Variants in MZF1 observed in about 807,000 individuals in gnomAD.
MZF1 encodes the protein myeloid zinc finger 1.
In MZF1, 24 loss-of-function variants were observed where a neutral mutation model predicts 28.6. The ratio of observed to expected loss-of-function variants is 0.84; its 90% CI spans 0.61 to 1.18. MZF1 has a LOEUF of 1.18. Among genes scored for constraint, MZF1 ranks in the 50% most tolerant of loss-of-function variants. The pLI, the probability that MZF1 is intolerant of heterozygous loss-of-function variation, is 0.00. For synonymous variants in MZF1, 516 were observed against 432.5 expected (o/e 1.19, Z -2.40); for missense variants, 1,166 against 1,026.4 (o/e 1.14, Z -1.86).
At chr19:58,564,902 G>GGTT (rs1872485914) in intron 5 of MZF1, among the ~76,000 whole-genome samples, 556 of 41,986 alleles carry the variant, frequency 0.013, 19 homozygotes, top group Middle Eastern at 0.04. Context: ...CCATGTGTGT[G>GGTT]TTTTTTTTTT....
chr19:58,569,195 T>C (rs569636090), intron 5 of MZF1, 82 bp downstream of exon 5: 4 of 1,473,450 alleles, frequency 2.7e-6, no homozygotes, highest in African/African-American at 1.4e-5. Flanking sequence ...GAGGGCTGCC[T>C]GCGTAGGGCC....
At chr19:58,565,733 C>T (rs191862544) in intron 5 of MZF1, among the ~76,000 whole-genome samples, 1 of 146,628 alleles carries the variant, frequency 6.8e-6, no homozygotes, top group Non-Finnish European at 1.5e-5. Context: ...GGGGTTTCGC[C>T]GTGTTAGCCA....
At chr19:58,570,924 G>GGCAA in intron 2 of MZF1, 70 bp downstream of exon 2, 7 of 1,487,474 alleles carry the variant, frequency 4.7e-6, no homozygotes, top group Non-Finnish European at 6.4e-6. Context: ...GCAAAGCGTG[G>GGCAA]TGCTGCCCAG....
chr19:58,571,198 C>T lies in MZF1; in HGVS notation c.192G>A (p.Gln64=), dbSNP rs2054155962. The T allele has an allele frequency of 6.2e-7, 1 of 1,613,254 alleles. No homozygotes were observed. Among genetic ancestry groups the T allele is most frequent in the South Asian group, 1.1e-5 (1 of 90,962 alleles). Residue 64 remains glutamine, a synonymous_variant, in exon 2 of 6, where the codon CAG becomes CAA. Transcript: ENST00000215057. ...EATGPQEALA[Q]LRELCRQWLR... ...GCCACTGGCGACACAGCTCTCGGAG[C>T]TGGGCCAGGGCCTCTTGGGGCCCTG... is the stretch of plus-strand genomic sequence containing the variant.
chr19:58,566,429 A>C (rs1214456304), intron 5 of MZF1, among the ~76,000 whole-genome samples: 1 of 152,166 alleles, frequency 6.6e-6, no homozygotes, highest in East Asian at 1.9e-4. Context: ...CCTGGGCAAC[A>C]AGAGCGAAAT....
chr19:58,569,104 T>C, intron 5 of MZF1, 173 bp downstream of exon 5: 1 of 842,512 alleles, frequency 1.2e-6, no homozygotes, highest in East Asian at 3.0e-5. Context: ...TGGCTTTTTT[T>C]GAGGGCAGAA....
chr19:58,570,630 C>T (rs2054142421), intron 2 of MZF1, 103 bp from the exon 3 acceptor site: 2 of 1,276,016 alleles, frequency 1.6e-6, no homozygotes, highest in South Asian at 1.5e-5. Flanking sequence ...CAGGGGCCTG[C>T]CTTGTAAATA....
rs1472942630 is a variant in MZF1, at chr19:58,563,520, G to T, written c.773-16C>A. On this transcript the variant is annotated splice_polypyrimidine_tract_variant and intron_variant, in intron 5 of 5. Transcript: ENST00000215057. The stretch of plus-strand genomic sequence containing the variant: ...AGCGCGAACCCTGCATACACAAGGG[G>T]ACCATTCATTCATGACAGAATGCCC... 11 of 1,509,188 alleles carry T rather than the reference G, an allele frequency of 7.3e-6. No individual in the cohort carries two copies. In the East Asian group the frequency reaches 2.7e-4, roughly 37 times the overall value. The allele number at this position is 1,509,188 out of a possible 1,614,324, so 93.5% of individuals were successfully genotyped here.
At position 58,563,419 on chromosome 19, in the gene MZF1, A is replaced by G. The variant is rs1300221708; in HGVS notation, c.858T>C (p.Ala286=). The change falls in exon 6 of 6, where the codon GCT becomes GCC. Residue 286 remains alanine (A), a synonymous_variant. Transcript: ENST00000215057. ...HLHVPWDLGM[A]GLSGQIQSPS... ...GTGATTGGATCTGGCCAGAAAGGCC[A>G]GCCATGCCGAGGTCCCAGGGGACGT... is the stretch of plus-strand genomic sequence containing the variant. The G allele has an allele frequency of 7.5e-6, 12 of 1,592,256 alleles. No homozygotes were observed. In the East Asian group the frequency reaches 9.2e-5, roughly 12 times the overall value.
Position 58,571,487 on chromosome 19 carries a change from C to G in MZF1, c.-40-58G>C, listed in dbSNP as rs921034369. 5.6e-6 allele frequency: 8 copies of G among 1,417,670 alleles called. No individual in the cohort carries two copies. The African/African-American group carries it at 7.1e-5, about 13-fold the overall frequency. 87.8% of individuals were successfully genotyped at this position (1,417,670 alleles called of 1,614,324 possible). On this transcript the variant is annotated intron_variant, in intron 1 of 5. Transcript: ENST00000215057. ...AGGAGTACAGTGAATGCTTCACTGC[C>G]TAGTCTATGCTGTACCGTTTGATCC...
At chr19:58,564,902 G>GTGTTTT (rs1568680296) in intron 5 of MZF1, among the ~76,000 whole-genome samples, 5 of 41,996 alleles carry the variant, frequency 1.2e-4, no homozygotes, top group Admixed American at 3.2e-4. Context: ...CCATGTGTGT[G>GTGTTTT]TTTTTTTTTT....
intron 5 of MZF1, chr19:58,564,613 G>A (rs1433773733): frequency 1.3e-5 from 2 of 152,240 alleles, no homozygotes. Flanking sequence ...CCTATGTATT[G>A]CTGGTAAGCA....
intron 1 of MZF1, chr19:58,571,775 G>A (rs2054168941): frequency 1.0e-5 from 2 of 191,508 alleles, no homozygotes; most frequent in Admixed American, 5.3e-5. Context: ...TTGACCTCCC[G>A]GGCTCCAGAG....
rs757866907 is a variant in MZF1 at position 58,562,519 on chromosome 19, C to T, written c.1758G>A (p.Gln586=). 3.1e-6 allele frequency: 5 copies of T among 1,609,746 alleles called. No individual in the cohort carries two copies. The highest frequency in any genetic ancestry group is 1.7e-5 in the Admixed American group (1 of 59,434). The change falls in exon 6 of 6, where the codon CAG becomes CAA. Residue 586 remains glutamine, a synonymous_variant. Transcript: ENST00000215057. ...TCTCGCCCGTGTGTACGCGGAGATG[C>T]TGCGTGAGCGTAGGCCGCTGGCGGA... ...KAFRQRPTLT[Q]HLRVHTGEKP... is the part of the protein sequence containing the mutation.
chr19:58,566,280 C>T (rs776521651), intron 5 of MZF1, among the ~76,000 whole-genome samples: 1 of 151,700 alleles, frequency 6.6e-6, no homozygotes, highest in Non-Finnish European at 1.5e-5. Flanking sequence ...AACCCCGTCT[C>T]TACTAAAAAA....
rs777948499 is a variant in MZF1 at position 58,562,754 on chromosome 19, G to A, written c.1523C>T (p.Thr508Met). Residue 508 changes from threonine to methionine, a missense_variant, in exon 6 of 6, where the codon ACG becomes ATG. Transcript: ENST00000215057. ...AVLLEHQAVH[T>M]GDKSFGCVEC... Reference sequence around the variant, plus strand: ...GACGCAGCCAAAGGACTTGTCGCCCGTGTGTACCGCCTGGTGCTCCAGCAG... The same window carrying A: ...GACGCAGCCAAAGGACTTGTCGCCCATGTGTACCGCCTGGTGCTCCAGCAG... The A allele has an allele frequency of 1.5e-5, 23 of 1,535,942 alleles. No homozygotes were observed. Among genetic ancestry groups the A allele is most frequent in the Non-Finnish European group, 1.8e-5 (21 of 1,147,272 alleles).
rs949981061 is a variant in MZF1, at chr19:58,563,087, G to A, written c.1190C>T (p.Ser397Leu). The part of the protein sequence containing the change: ...SECGRSFSRS[S>L]HLLRHQLTHT... ...CGTAAGCTGGTGGCGCAGCAGGTGC[G>A]AGCTGCGGCTGAAGCTGCGGCCGCA... The change falls in exon 6 of 6, where the codon TCG becomes TTG. Residue 397 changes from serine to leucine, a missense_variant. By Grantham distance (145) the Ser-to-Leu change is moderately radical. Coordinates refer to ENST00000215057, the MANE Select transcript of MZF1 (RefSeq NM_198055.2). 1 of 1,604,426 alleles carries A rather than the reference G, an allele frequency of 6.2e-7. No homozygotes were observed. The highest frequency in any genetic ancestry group is 1.7e-5 in the Admixed American group (1 of 59,926).
intron 1 of MZF1, chr19:58,572,691 T>C (rs2054188175): frequency 8.4e-7 from 1 of 1,193,162 alleles, no homozygotes; most frequent in Non-Finnish European, 1.1e-6. Flanking sequence ...AAGCCTCCAC[T>C]CTTCAAGGTG....
In MZF1 at chr19:58,570,515, C is replaced by G; in HGVS notation, c.409G>C (p.Val137Leu). The G allele has an allele frequency of 1.2e-6, 2 of 1,612,694 alleles. No homozygotes were observed. Among genetic ancestry groups the G allele is most frequent in the African/African-American group, 1.3e-5 (1 of 74,984 alleles). ...GGPRRWVTVQ[V>L]QGQEVLSEKM... ...TCTGATAGGACCTCCTGGCCCTGCACCTGGACTGTGACCTGGGGAGGTGCC... is the reference window on the plus strand; with the variant it reads ...TCTGATAGGACCTCCTGGCCCTGCAGCTGGACTGTGACCTGGGGAGGTGCC... The change falls in exon 3 of 6, where the codon GTG becomes CTG. Residue 137 changes from valine to leucine, a missense_variant. Coordinates refer to ENST00000215057, the MANE Select transcript of MZF1 (RefSeq NM_198055.2).
Sources: gnomAD v4.1 joint callset for allele counts (sites outside exome capture counted in the v4.1 genomes callset) on GRCh38, gnomAD v4.1.1 for gene constraint, MANE v1.5 for transcripts, NCBI Gene and HGNC (gene_info 2026-07-23, HGNC 2026-07-21) for gene names.